The following PKP2 variants were observed in gnomAD, a reference collection of about 807,000 sequenced individuals.
PKP2 encodes plakophilin-2.
A neutral mutation model predicts 83.4 loss-of-function variants in PKP2; 73 were observed. The observed-to-expected ratio is 0.88, with a 90% CI of 0.72 to 1.06. The LOEUF (loss-of-function observed/expected upper bound fraction) is 1.06, where lower values mean the gene tolerates loss of function less well. Among genes scored for constraint, PKP2 ranks in the 50% least tolerant of loss-of-function variants. The pLI is 0.00. For synonymous variants in PKP2, 409 were observed against 430.4 expected (o/e 0.95, Z 0.62); for missense variants, 966 against 1,065.4 (o/e 0.91, Z 1.30).
At chr12:32,823,325 G>A (rs557975734) in intron 7 of PKP2, among the ~76,000 whole-genome samples, 1 of 150,828 alleles carries the variant, frequency 6.6e-6, no homozygotes, top group East Asian at 2.0e-4. Context: ...GCTGAGGCAG[G>A]AGAATTGCTT....
chr12:32,844,075 T>C (rs1367120776), intron 5 of PKP2, among the ~76,000 whole-genome samples: 4 of 152,190 alleles, frequency 2.6e-5, no homozygotes, highest in Non-Finnish European at 2.9e-5. Context: ...GGGAGTGGAA[T>C]TTTCCTTCAA....
At chr12:32,891,642 A>G (rs1957075833) in intron 1 of PKP2, among the ~76,000 whole-genome samples, 1 of 152,226 alleles carries the variant, frequency 6.6e-6, no homozygotes, top group South Asian at 2.1e-4. Context: ...GGGCATACAG[A>G]TAACAACAGT....
intron 4 of PKP2, among the ~76,000 whole-genome samples, chr12:32,864,762 A>G (rs1315178706): frequency 6.6e-6 from 1 of 152,186 alleles, no homozygotes. Flanking sequence ...AACATTACCT[A>G]CTTTTGAGAC....
rs1342889001 is a variant in PKP2 at position 32,841,123 on chromosome 12, G to A, written c.1461C>T (p.Ile487=). 6.2e-7 allele frequency: 1 copy of A among 1,612,546 alleles called. No homozygotes were observed. The highest frequency in any genetic ancestry group is 1.1e-5 in the South Asian group (1 of 91,048). Residue 487 remains isoleucine (I), a synonymous_variant, in exon 6 of 13, where the codon ATC becomes ATT. Transcript: ENST00000340811. ...CAGGCCACCCAGAAAAGGGGATGAT[G>A]ATATTCTCCGTCAGCGTAAGCAATG... ...TEALLTLTEN[I]IIPFSGWPEG...
chr12:32,822,335 G>A, intron 8 of PKP2, 132 bp downstream of exon 8: 1 of 764,354 alleles, frequency 1.3e-6, no homozygotes, highest in Admixed American at 2.0e-5. Context: ...ACTTCAAAAG[G>A]TTGATGTAAG....
chr12:32,842,800 G>A (rs1307224540), intron 5 of PKP2, among the ~76,000 whole-genome samples: 7 of 151,498 alleles, frequency 4.6e-5, no homozygotes, highest in African/African-American at 1.5e-4. Flanking sequence ...TCAGCTTCCC[G>A]AGTAGCTGGG....
chr12:32,833,975 T>A (rs988666554), intron 6 of PKP2, among the ~76,000 whole-genome samples: 1 of 152,168 alleles, frequency 6.6e-6, no homozygotes, highest in African/African-American at 2.4e-5. Context: ...ATTTTTAATA[T>A]GACTACAGTA....
intron 10 of PKP2, among the ~76,000 whole-genome samples, chr12:32,799,749 C>T (rs3850972): frequency 0.21 from 31,267 of 151,904 alleles, 3,885 homozygotes; most frequent in East Asian, 0.57. Flanking sequence ...TGCAAAGGAA[C>T]AAGAGTTATA....
chr12:32,878,407 C>T lies in PKP2; in HGVS notation c.473G>A (p.Arg158Lys), dbSNP rs397517027. 105 of 1,614,042 alleles carry T rather than the reference C, an allele frequency of 6.5e-5. 1 individual carries two copies. In the East Asian group the frequency reaches 2.3e-3, roughly 35 times the overall value. ...GTAATCGCTGTGCGTGTAGTGAGCC[C>T]TCTCCGGGCTGCTGTCAGGAGAAAT... ...LEISPDSSPE[R>K]AHYTHSDYQY... is the part of the protein sequence containing the mutation. The change falls in exon 3 of 13, where the codon AGG (arginine) becomes AAG (lysine). Residue 158 changes from arginine to lysine, a missense_variant. By Grantham distance (26) the Arg-to-Lys change is conservative. Transcript: ENST00000340811.
intron 3 of PKP2, 52 bp from the exon 4 acceptor site, chr12:32,869,114 C>A: frequency 6.2e-7 from 1 of 1,607,610 alleles, no homozygotes; most frequent in Non-Finnish European, 8.5e-7. Context: ...CTCCTCCTGC[C>A]TACCAACCTG....
intron 3 of PKP2, among the ~76,000 whole-genome samples, chr12:32,875,291 A>G (rs979450709): frequency 2.4e-4 from 37 of 152,346 alleles, no homozygotes; most frequent in Non-Finnish European, 5.0e-4. Flanking sequence ...ATCCAGAATT[A>G]TAAGTAGTCA....
At chr12:32,893,357 G>C (rs1335116258) in intron 1 of PKP2, 1 of 152,136 alleles carries the variant, frequency 6.6e-6, no homozygotes, top group East Asian at 1.9e-4. Context: ...ACAATTGCTT[G>C]TCTGTTTCAA....
At chr12:32,793,503 G>A (rs188240982) in intron 11 of PKP2, among the ~76,000 whole-genome samples, 10 of 151,540 alleles carry the variant, frequency 6.6e-5, no homozygotes, top group Admixed American at 3.9e-4. Context: ...CCTTGTTAAA[G>A]CAGTTTCAAA....
At chr12:32,834,266 T>G (rs1237857973) in intron 6 of PKP2, among the ~76,000 whole-genome samples, 1 of 152,142 alleles carries the variant, frequency 6.6e-6, no homozygotes, top group Admixed American at 6.6e-5. Flanking sequence ...CTCAGAAATT[T>G]AAATAGTGGT....
At chr12:32,837,020 T>C (rs1369124023) in intron 6 of PKP2, among the ~76,000 whole-genome samples, 1 of 152,252 alleles carries the variant, frequency 6.6e-6, no homozygotes, top group South Asian at 2.1e-4. Context: ...TCCCATTTCA[T>C]ATGCTTCATC....
chr12:32,855,236 G>C (rs529455301), intron 4 of PKP2, among the ~76,000 whole-genome samples: 4 of 152,242 alleles, frequency 2.6e-5, no homozygotes, highest in African/African-American at 7.2e-5. Context: ...CCAGCAATGG[G>C]GGAAGACTGG....
At chr12:32,842,036 C>A (rs1445866382) in intron 5 of PKP2, among the ~76,000 whole-genome samples, 1 of 152,142 alleles carries the variant, frequency 6.6e-6, no homozygotes, top group Non-Finnish European at 1.5e-5. Context: ...GAGATAATAG[C>A]ATGTTGTACT....
intron 8 of PKP2, 64 bp downstream of exon 8, chr12:32,822,403 A>T: frequency 6.6e-6 from 9 of 1,373,730 alleles, no homozygotes; most frequent in Non-Finnish European, 9.3e-6. Context: ...ATACACATAT[A>T]CACAAACACA....
chr12:32,817,469 T>C (rs774332333), intron 9 of PKP2, among the ~76,000 whole-genome samples: 2 of 152,254 alleles, frequency 1.3e-5, no homozygotes, highest in African/African-American at 4.8e-5. Flanking sequence ...GTCTTGTTTA[T>C]GTATTGTTAC....
Sources: allele counts gnomAD v4.1 joint callset (sites outside exome capture counted in the v4.1 genomes callset), GRCh38; gene constraint gnomAD v4.1.1; transcripts MANE v1.5; gene names NCBI Gene and HGNC (gene_info 2026-07-23, HGNC 2026-07-21).